The following GDPD1 variants were observed in gnomAD, a reference collection of about 807,000 sequenced individuals.
GDPD1 encodes lysophospholipase D GDPD1.
In GDPD1, 28 loss-of-function variants were observed where a neutral mutation model predicts 45.1. The ratio of observed to expected loss-of-function variants is 0.62; its 90% CI spans 0.46 to 0.85. The LOEUF is 0.85. GDPD1 is among the 40% of genes least tolerant of loss of function. GDPD1 has a pLI of 0.00. For missense variants in GDPD1, 256 were observed against 364.8 expected (o/e 0.70, Z 2.43); for synonymous variants, 139 against 131.4 (o/e 1.06, Z -0.40).
intron 6 of GDPD1, 38 bp from the exon 7 acceptor site, chr17:59,267,003 T>G: frequency 6.6e-7 from 1 of 1,522,900 alleles, no homozygotes; most frequent in Non-Finnish European, 9.1e-7. Context: ...ATTTGAGCAG[T>G]TGTAAAAATA....
intron 9 of GDPD1, 171 bp downstream of exon 9, chr17:59,273,007 A>G: frequency 7.0e-7 from 1 of 1,436,670 alleles, no homozygotes; most frequent in East Asian, 2.6e-5. Context: ...GCAATAAAGC[A>G]TTGGCATTTC....
chr17:59,256,560 A>G (rs993142354), intron 4 of GDPD1, among the ~76,000 whole-genome samples: 1 of 152,208 alleles, frequency 6.6e-6, no homozygotes, highest in African/African-American at 2.4e-5. Context: ...CAATCTCAGT[A>G]TCTACTAGTA....
intron 3 of GDPD1, among the ~76,000 whole-genome samples, chr17:59,246,416 C>T (rs1185158253): frequency 2.0e-5 from 3 of 151,704 alleles, no homozygotes; most frequent in Middle Eastern, 3.4e-3. Flanking sequence ...GTCAGGAGTT[C>T]GAGACTAGCC....
chr17:59,266,645 TAG>T, intron 6 of GDPD1, among the ~76,000 whole-genome samples: 1 of 152,244 alleles, frequency 6.6e-6, no homozygotes, highest in South Asian at 2.1e-4. Flanking sequence ...TACTCATATA[TAG>T]AGATATATAG....
intron 6 of GDPD1, among the ~76,000 whole-genome samples, chr17:59,263,302 G>A (rs993747003): frequency 6.6e-6 from 1 of 151,998 alleles, no homozygotes; most frequent in South Asian, 2.1e-4. Flanking sequence ...AAAGTGCTGA[G>A]ATTAAGTCTA....
chr17:59,255,850 T>TATATATATACAC (rs1158828340), intron 4 of GDPD1, among the ~76,000 whole-genome samples: 1 of 74,338 alleles, frequency 1.3e-5, no homozygotes, highest in Non-Finnish European at 2.3e-5. Flanking sequence ...TATATATATA[T>TATATATATACAC]ACACACGTAT....
chr17:59,268,472 C>T (rs889474365), intron 7 of GDPD1, among the ~76,000 whole-genome samples: 33 of 147,060 alleles, frequency 2.2e-4, no homozygotes, highest in Non-Finnish European at 8.9e-5. Context: ...CCAGCTACTC[C>T]GGAGGCTGAG....
intron 1 of GDPD1, among the ~76,000 whole-genome samples, chr17:59,226,640 T>G (rs553210235): frequency 6.6e-6 from 1 of 152,284 alleles, no homozygotes; most frequent in East Asian, 1.9e-4. Context: ...AACATTTTAA[T>G]GCTAATACTT....
intron 4 of GDPD1, among the ~76,000 whole-genome samples, chr17:59,254,078 A>G (rs1437544978): frequency 1.5e-5 from 2 of 136,912 alleles, no homozygotes; most frequent in Non-Finnish European, 1.6e-5. Flanking sequence ...AAAAAAAAAA[A>G]GGGCCGGGTG....
At chr17:59,265,415 G>A (rs530385576) in intron 6 of GDPD1, among the ~76,000 whole-genome samples, 1 of 151,834 alleles carries the variant, frequency 6.6e-6, no homozygotes, top group South Asian at 2.1e-4. Context: ...GTGCATGTCT[G>A]TAGTCCCAGC....
At chr17:59,252,267 T>C (rs1231803587) in intron 4 of GDPD1, among the ~76,000 whole-genome samples, 2 of 151,878 alleles carry the variant, frequency 1.3e-5, no homozygotes, top group Non-Finnish European at 2.9e-5. Flanking sequence ...TATTGTTTTT[T>C]GAGATGAGCT....
chr17:59,241,923 C>T lies in GDPD1; in HGVS notation c.186-3491C>T, dbSNP rs556656614. Reference sequence around the variant, plus strand: ...AGCCTGGGCAACAAGAGCAAAACTCCGTCTGAAAAAATAAAAATAAAAGGA... The same window carrying T: ...AGCCTGGGCAACAAGAGCAAAACTCTGTCTGAAAAAATAAAAATAAAAGGA... On this transcript the variant is annotated intron_variant, in intron 2 of 9. Coordinates refer to ENST00000284116, the MANE Select transcript of GDPD1 (RefSeq NM_182569.4). 2.0e-3 allele frequency among the ~76,000 whole-genome samples: 308 copies of T among 151,792 alleles called. 1 individual carries two copies. The highest frequency in any genetic ancestry group is 3.4e-3 in the Non-Finnish European group (229 of 67,926).
At chr17:59,269,820 C>CAATA (rs1349030736) in intron 7 of GDPD1, among the ~76,000 whole-genome samples, 1 of 151,952 alleles carries the variant, frequency 6.6e-6, no homozygotes, top group Non-Finnish European at 1.5e-5. Context: ...AAGACTCTGC[C>CAATA]AATAAATAAA....
intron 2 of GDPD1, among the ~76,000 whole-genome samples, chr17:59,243,170 C>T (rs1958292107): frequency 6.6e-6 from 1 of 151,772 alleles, no homozygotes; most frequent in Admixed American, 6.6e-5. Flanking sequence ...GCCTGGGTGA[C>T]AGAGTGAGAC....
chr17:59,237,050 T>G (rs907652364), intron 2 of GDPD1, among the ~76,000 whole-genome samples: 15 of 152,272 alleles, frequency 9.9e-5, no homozygotes, highest in African/African-American at 3.6e-4. Flanking sequence ...GGTTTTTTTT[T>G]GTTTTGTTTT....
chr17:59,248,214 C>T (rs774384364), intron 3 of GDPD1, among the ~76,000 whole-genome samples: 2 of 151,714 alleles, frequency 1.3e-5, no homozygotes, highest in Non-Finnish European at 2.9e-5. Flanking sequence ...TCTGAGGATC[C>T]ACTGAGCTCA....
intron 1 of GDPD1, among the ~76,000 whole-genome samples, chr17:59,224,344 C>T (rs1029858752): frequency 6.6e-6 from 1 of 152,010 alleles, no homozygotes; most frequent in Non-Finnish European, 1.5e-5. Flanking sequence ...ACTTGTGGGC[C>T]GAGCAAGGTG....
chr17:59,268,578 CA>C (rs1176390251), intron 7 of GDPD1, among the ~76,000 whole-genome samples: 80 of 35,358 alleles, frequency 2.3e-3, no homozygotes, highest in Admixed American at 9.6e-3. Flanking sequence ...GACTCTGTCT[CA>C]AAAAAAAAAA....
intron 2 of GDPD1, among the ~76,000 whole-genome samples, chr17:59,236,902 T>C (rs1309552258): frequency 1.3e-5 from 2 of 152,196 alleles, no homozygotes; most frequent in African/African-American, 4.8e-5. Flanking sequence ...CCCTCTTTTT[T>C]TGAGTTTTTC....
Sources: allele counts gnomAD v4.1 joint callset (sites outside exome capture counted in the v4.1 genomes callset), GRCh38; gene constraint gnomAD v4.1.1; transcripts MANE v1.5; gene names NCBI Gene and HGNC (gene_info 2026-07-23, HGNC 2026-07-21).